PDE4D: variants seen among roughly 807,000 people sequenced by gnomAD.
PDE4D encodes the protein 3',5'-cyclic-AMP phosphodiesterase 4D.
Under a neutral mutation model 87.4 loss-of-function variants are expected in PDE4D, and 24 were observed. That is an observed-to-expected ratio of 0.27 (90% confidence interval 0.20 to 0.39). The LOEUF is 0.39. Ranked by LOEUF, PDE4D falls within the 10% of genes least tolerant of loss-of-function variation. PDE4D has a pLI of 1.00. For synonymous variants in PDE4D, 384 were observed against 383.2 expected (o/e 1.00, Z -0.02); for missense variants, 714 against 1,041.0 (o/e 0.69, Z 4.32).
At chr5:59,411,558 CAG>C (rs1168505390) in intron 1 of PDE4D, among the ~76,000 whole-genome samples, 4 of 152,222 alleles carry the variant, frequency 2.6e-5, no homozygotes, top group Non-Finnish European at 4.4e-5. Context: ...CCTTGGCTTT[CAG>C]ATGGCTGCCT....
At chr5:60,024,891 A>G (rs958188391) in intron 2 of PDE4D, among the ~76,000 whole-genome samples, 4 of 115,194 alleles carry the variant, frequency 3.5e-5, no homozygotes, top group Non-Finnish European at 5.5e-5. Flanking sequence ...ACGCACAAAC[A>G]AGCAGAGAAA....
chr5:59,120,131 T>A (rs1774246534), intron 5 of PDE4D, among the ~76,000 whole-genome samples: 1 of 152,146 alleles, frequency 6.6e-6, no homozygotes. Flanking sequence ...CCAAGCTCAA[T>A]CAAAAGTCCT....
chr5:60,016,588 A>G (rs2152848988), intron 2 of PDE4D, among the ~76,000 whole-genome samples: 1 of 152,312 alleles, frequency 6.6e-6, no homozygotes, highest in South Asian at 2.1e-4. Context: ...CTGCTTTATC[A>G]AGTAAGTTTA....
intron 2 of PDE4D, among the ~76,000 whole-genome samples, chr5:59,196,052 C>T (rs923347049): frequency 6.6e-6 from 1 of 151,276 alleles, no homozygotes; most frequent in Non-Finnish European, 1.5e-5. Flanking sequence ...GAGAGAGGGA[C>T]GATGACAGCA....
intron 1 of PDE4D, among the ~76,000 whole-genome samples, chr5:59,767,476 CTTTT>C (rs879613137): frequency 6.9e-6 from 1 of 144,956 alleles, no homozygotes; most frequent in Non-Finnish European, 1.5e-5. Context: ...GGTTTTTCTT[CTTTT>C]TTTTTTTTCC....
At chr5:59,713,162 C>T (rs1381494375) in intron 1 of PDE4D, among the ~76,000 whole-genome samples, 1 of 152,114 alleles carries the variant, frequency 6.6e-6, no homozygotes, top group Non-Finnish European at 1.5e-5. Context: ...GGCAACTTTG[C>T]TAGCAATTAG....
chr5:60,333,481 A>C (rs1757478381), intron 1 of PDE4D, among the ~76,000 whole-genome samples: 1 of 152,146 alleles, frequency 6.6e-6, no homozygotes, highest in Admixed American at 6.6e-5. Flanking sequence ...CTCTGGTTTT[A>C]GCTCCGAACC....
chr5:59,453,934 CAA>C (rs1287306155), intron 1 of PDE4D, among the ~76,000 whole-genome samples: 1 of 152,168 alleles, frequency 6.6e-6, no homozygotes, highest in Non-Finnish European at 1.5e-5. Context: ...TTCAAAGATT[CAA>C]AAGACAGGCT....
rs142592838 is a variant in PDE4D, at chr5:60,101,920, C to T, written c.42+83637G>A. ...TTATTAGTATTCTTTTCTGCTGCCACGAACACTGAAAGCTTCTTTCTGTCT... is the reference window on the plus strand; with the variant it reads ...TTATTAGTATTCTTTTCTGCTGCCATGAACACTGAAAGCTTCTTTCTGTCT... On this transcript the variant is annotated intron_variant, in intron 2 of 16. Transcript: ENST00000502484. Among the ~76,000 whole-genome samples the T allele has an allele frequency of 6.8e-3, 1,033 of 152,156 alleles. 6 individuals carry two copies. The highest frequency in any genetic ancestry group is 0.024 in the African/African-American group (985 of 41,526).
At chr5:60,478,330 G>A (rs941616513) in intron 1 of PDE4D, among the ~76,000 whole-genome samples, 1 of 152,066 alleles carries the variant, frequency 6.6e-6, no homozygotes, top group Non-Finnish European at 1.5e-5. Context: ...TTTTTTACAA[G>A]TATAAATAAC....
chr5:59,139,933 G>C (rs946479930), intron 5 of PDE4D, among the ~76,000 whole-genome samples: 19 of 152,164 alleles, frequency 1.2e-4, no homozygotes, highest in Non-Finnish European at 2.8e-4. Flanking sequence ...ATACATACAA[G>C]TCTAAGTTTC....
chr5:59,998,155 G>T (rs896752707), intron 2 of PDE4D, among the ~76,000 whole-genome samples: 2 of 152,152 alleles, frequency 1.3e-5, no homozygotes, highest in African/African-American at 2.4e-5. Context: ...TTGAGACCAG[G>T]TTTAGCTGAT....
intron 2 of PDE4D, among the ~76,000 whole-genome samples, chr5:60,000,997 C>G (rs1159838944): frequency 6.6e-6 from 1 of 152,156 alleles, no homozygotes; most frequent in Non-Finnish European, 1.5e-5. Flanking sequence ...CCCACTTAGA[C>G]TTGGCCCAAG....
At chr5:60,501,114 A>G (rs1750052923) in intron 1 of PDE4D, among the ~76,000 whole-genome samples, 1 of 152,100 alleles carries the variant, frequency 6.6e-6, no homozygotes, top group Non-Finnish European at 1.5e-5. Context: ...CTCATCATTT[A>G]GCATTAGGTA....
intron 2 of PDE4D, among the ~76,000 whole-genome samples, chr5:60,077,940 G>T (rs375282887): frequency 1.3e-5 from 2 of 152,134 alleles, no homozygotes. Flanking sequence ...ATTGCTCAGG[G>T]TTCCCAGCTT....
chr5:60,454,874 G>A (rs1483675306), intron 1 of PDE4D, among the ~76,000 whole-genome samples: 1 of 151,974 alleles, frequency 6.6e-6, no homozygotes, highest in African/African-American at 2.4e-5. Flanking sequence ...AGACGAAGCG[G>A]CACATACATG....
intron 1 of PDE4D, among the ~76,000 whole-genome samples, chr5:59,785,999 G>A (rs1765129447): frequency 6.7e-6 from 1 of 149,170 alleles, no homozygotes; most frequent in South Asian, 2.2e-4. Context: ...GTTGGGGGGT[G>A]AGGGTGGGGG....
At chr5:59,910,411 A>G (rs1488922981) in intron 3 of PDE4D, among the ~76,000 whole-genome samples, 2 of 152,244 alleles carry the variant, frequency 1.3e-5, no homozygotes, top group Non-Finnish European at 2.9e-5. Context: ...TTTAACAAAA[A>G]CAGATTTTCT....
chr5:60,502,548 T>C (rs1194205839), intron 1 of PDE4D, among the ~76,000 whole-genome samples: 1 of 152,224 alleles, frequency 6.6e-6, no homozygotes, highest in Non-Finnish European at 1.5e-5. Flanking sequence ...AGAAAGTCAT[T>C]GGTAGCTTGA....
Sources: gnomAD v4.1 joint callset for allele counts (sites outside exome capture counted in the v4.1 genomes callset) on GRCh38, gnomAD v4.1.1 for gene constraint, MANE v1.5 for transcripts, NCBI Gene and HGNC (gene_info 2026-07-23, HGNC 2026-07-21) for gene names.